Variants in BTD observed in about 807,000 individuals in gnomAD.
BTD encodes biotinidase, also known as biocytinase.
A neutral mutation model predicts 17.7 loss-of-function variants in BTD; 13 were observed. That is an observed-to-expected ratio of 0.74 (90% confidence interval 0.48 to 1.17). The LOEUF (loss-of-function observed/expected upper bound fraction) is 1.17, where lower values mean the gene tolerates loss of function less well. Among genes scored for constraint, BTD ranks in the 50% most tolerant of loss-of-function variants. The probability of loss-of-function intolerance (pLI) is 0.00; values close to 1 mark genes in which losing one functional copy is unlikely to be tolerated. For synonymous variants in BTD, 240 were observed against 245.2 expected, an observed-to-expected ratio of 0.98 and a Z score of 0.20; for missense variants, 674 against 650.4, an observed-to-expected ratio of 1.04 and a Z score of -0.39.
At chr3:15,693,353 G>A (rs1223732401) in intron 3 of BTD, among the ~76,000 whole-genome samples, 2 of 151,278 alleles carry the variant, frequency 1.3e-5, no homozygotes, top group Non-Finnish European at 2.9e-5. Flanking sequence ...GAGAGAGACC[G>A]ACCCACTAAT....
intron 3 of BTD, chr3:15,676,055 G>T: frequency 2.3e-6 from 3 of 1,326,092 alleles, no homozygotes; most frequent in Non-Finnish European, 2.1e-6. Context: ...ATACACACCT[G>T]GCTGTCAAAG....
chr3:15,678,881 G>A (rs55889332), intron 3 of BTD, among the ~76,000 whole-genome samples: 24,008 of 152,046 alleles, frequency 0.16, 2,835 homozygotes, highest in East Asian at 0.56. Context: ...ATTTATACTC[G>A]CAAATATAAA....
intron 3 of BTD, chr3:15,694,766 T>G (rs2069293804): frequency 6.2e-7 from 1 of 1,613,428 alleles, no homozygotes; most frequent in African/African-American, 1.3e-5. Flanking sequence ...TTATTGTTGC[T>G]CTATTATCTG....
intron 3 of BTD, chr3:15,677,182 G>A (rs2067026531): frequency 1.3e-6 from 1 of 759,392 alleles, no homozygotes; most frequent in African/African-American, 1.7e-5. Context: ...GAATTTTCCT[G>A]GCTAATATCT....
downstream of BTD, among the ~76,000 whole-genome samples, chr3:15,717,040 T>C (rs1296788446): frequency 1.3e-5 from 2 of 152,216 alleles, no homozygotes; most frequent in Admixed American, 1.3e-4. Flanking sequence ...CCTATCAGAT[T>C]GATACCATTA....
chr3:15,635,293 C>A lies in BTD; in HGVS notation c.-16-131C>A. 7.2e-7 allele frequency: 1 copy of A among 1,397,474 alleles called. No homozygotes were observed. The highest frequency in any genetic ancestry group is 1.0e-6 in the Non-Finnish European group (1 of 996,372). The allele number at this position is 1,397,474 out of a possible 1,614,324, so 86.6% of individuals were successfully genotyped here. A position where few individuals can be genotyped will look rare whatever the true frequency, so the allele number is the denominator to read the frequency against. On this transcript the variant is annotated intron_variant, in intron 1 of 3. Coordinates refer to ENST00000643237, the MANE Select transcript of BTD (RefSeq NM_001370658.1). This position sits in a 1 kb window ranked among gnomAD's most constrained non-coding sequence, Gnocchi z 4.1. ...ATACTCTTTTATTAGGAACATGAAA[C>A]AAACTCTTTGAGCCGCAGTATCACT...
rs1177477510 is a variant in BTD at position 15,712,112 on chromosome 3, T to C, written c.*2038T>C. 1.0e-5 allele frequency: 16 copies of C among 1,544,442 alleles called. No homozygotes were observed. In the African/African-American group the frequency reaches 1.9e-4, roughly 18 times the overall value. ...AAATTTTGAGGGGTTTGAGGAGACA[T>C]ACAAAAGGCTGCAAAGGTTACACTT... On this transcript the variant is annotated 3_prime_UTR_variant, in exon 4 of 4. Transcript: ENST00000672141.
intron 3 of BTD, chr3:15,669,456 C>A (rs1040009644): frequency 2.0e-5 from 3 of 152,084 alleles, no homozygotes; most frequent in African/African-American, 7.2e-5. Flanking sequence ...CTATTTTAAA[C>A]CCAAACCATT....
At chr3:15,698,494 T>C (rs1240589601) in intron 3 of BTD, among the ~76,000 whole-genome samples, 2 of 152,178 alleles carry the variant, frequency 1.3e-5, no homozygotes, top group East Asian at 1.9e-4. Flanking sequence ...GAAAACCCCA[T>C]CGTCTCAGCT....
intron 3 of BTD, among the ~76,000 whole-genome samples, chr3:15,661,197 T>C (rs1475211947): frequency 1.5e-5 from 2 of 133,434 alleles, no homozygotes; most frequent in African/African-American, 3.0e-5. Context: ...ACCCGGGAGG[T>C]GGAGACTGCA....
Position 15,695,065 on chromosome 3 carries a change from C to G in BTD, c.400-14995C>G. The G allele has an allele frequency of 4.8e-6, 4 of 838,180 alleles. No individual in the cohort carries two copies. In the South Asian group the frequency reaches 6.4e-5, roughly 13 times the overall value. 51.9% of individuals were successfully genotyped at this position (838,180 alleles called of 1,614,324 possible). On this transcript the variant is annotated intron_variant, in intron 3 of 3. Transcript: ENST00000672141. ...TTTCCTCTGTACACATGATTTCTGT[C>G]ACCGTCTTTGTGCCTAATATGTAAA...
At position 15,649,848 on chromosome 3, in the gene BTD, G is replaced by T. The variant is rs115944592; in HGVS notation, c.*4360G>T. ...TTCCCTCTGCCGGAACATGAGCCATGCCTAGAGTAGCCACCTAGTAGTGAG... is the reference window on the plus strand; with the variant it reads ...TTCCCTCTGCCGGAACATGAGCCATTCCTAGAGTAGCCACCTAGTAGTGAG... On this transcript the variant is annotated 3_prime_UTR_variant, in exon 4 of 4. Transcript: ENST00000643237. Among the ~76,000 whole-genome samples the T allele has an allele frequency of 2.0e-5, 3 of 152,188 alleles. No individual in the cohort carries two copies. Among genetic ancestry groups the T allele is most frequent in the Non-Finnish European group, 4.4e-5 (3 of 68,044 alleles).
intron 3 of BTD, among the ~76,000 whole-genome samples, chr3:15,665,571 C>T (rs2065971702): frequency 1.3e-5 from 2 of 152,182 alleles, no homozygotes; most frequent in African/African-American, 2.4e-5. Flanking sequence ...GGAAAGGCTA[C>T]CAAGCATTCC....
intron 3 of BTD, among the ~76,000 whole-genome samples, chr3:15,685,815 G>T (rs2068049736): frequency 1.3e-5 from 2 of 152,092 alleles, no homozygotes; most frequent in African/African-American, 4.8e-5. Flanking sequence ...TTCTAACATT[G>T]TTCTCTAGAT....
At chr3:15,672,922 C>T (rs1158960033) in intron 3 of BTD, among the ~76,000 whole-genome samples, 1 of 152,216 alleles carries the variant, frequency 6.6e-6, no homozygotes, top group Non-Finnish European at 1.5e-5. Context: ...ATTACAGGCA[C>T]ATGCCACCAC....
At chr3:15,662,061 G>A (rs1379062348) in intron 3 of BTD, among the ~76,000 whole-genome samples, 1 of 152,194 alleles carries the variant, frequency 6.6e-6, no homozygotes, top group African/African-American at 2.4e-5. Context: ...GGTAGTGTAA[G>A]TCCTCTCATT....
Position 15,680,766 on chromosome 3 carries a change from A to G in BTD, c.400-29294A>G, listed in dbSNP as rs186090546. Among the ~76,000 whole-genome samples the G allele has an allele frequency of 4.1e-3, 623 of 152,062 alleles. 6 individuals are homozygous for G. The highest frequency in any genetic ancestry group is 9.9e-3 in the Admixed American group (151 of 15,272). ...CTGCAGTCTCAACCTCCTGGGCTCAAGTGATCCTCCCACCTCAGCCTCCTG... is the reference window on the plus strand; with the variant it reads ...CTGCAGTCTCAACCTCCTGGGCTCAGGTGATCCTCCCACCTCAGCCTCCTG... On this transcript the variant is annotated intron_variant, in intron 3 of 3. Transcript: ENST00000672141.
intron 1 of BTD, among the ~76,000 whole-genome samples, chr3:15,602,595 G>A (rs1244565619): frequency 2.6e-5 from 4 of 152,130 alleles, no homozygotes; most frequent in African/African-American, 4.8e-5. Flanking sequence ...ATTTTTTGAG[G>A]ATTTGGAGTC....
chr3:15,709,534 G>C lies in BTD; in HGVS notation c.400-526G>C, dbSNP rs116506454. The C allele has an allele frequency of 2.0e-3, 1,085 of 551,676 alleles. 7 individuals are homozygous for C. Among genetic ancestry groups the C allele is most frequent in the African/African-American group, 0.019 (986 of 50,754 alleles). 34.2% of individuals were successfully genotyped at this position (551,676 alleles called of 1,614,324 possible). A position where few individuals can be genotyped will look rare whatever the true frequency, so the allele number is the denominator to read the frequency against. Reference sequence around the variant, plus strand: ...GAATATTTGGAAGTTACTGACTTCAGCTGGGACTCTCAATGAATCATGATC... The same window carrying C: ...GAATATTTGGAAGTTACTGACTTCACCTGGGACTCTCAATGAATCATGATC... On this transcript the variant is annotated intron_variant, in intron 3 of 3. Coordinates refer to the BTD transcript ENST00000672141.
Sources: gnomAD v4.1 joint callset for allele counts (sites outside exome capture counted in the v4.1 genomes callset) on GRCh38, gnomAD v4.1.1 for gene constraint, Gnocchi (gnomAD v3.1) non-coding constraint, MANE v1.5 for transcripts, NCBI Gene and HGNC (gene_info 2026-07-23, HGNC 2026-07-21) for gene names.